The following ULK4 variants were observed in gnomAD, a reference collection of about 807,000 sequenced individuals.
The protein encoded by ULK4 is unc-51 like kinase 4.
In ULK4, 133 loss-of-function variants were observed where a neutral mutation model predicts 160.6. That is an observed-to-expected ratio of 0.83 (90% confidence interval 0.72 to 0.96). ULK4 has a LOEUF of 0.96. Among genes scored for constraint, ULK4 ranks in the 40% least tolerant of loss-of-function variants. The pLI is 0.00. For missense variants in ULK4, 1,580 were observed against 1,499.5 expected, an observed-to-expected ratio of 1.05 and a Z score of -0.89; for synonymous variants, 534 against 539.8, an observed-to-expected ratio of 0.99 and a Z score of 0.15.
intron 35 of ULK4, among the ~76,000 whole-genome samples, chr3:41,356,444 G>A (rs1380411015): frequency 1.3e-5 from 2 of 152,100 alleles, no homozygotes; most frequent in African/African-American, 4.8e-5. Flanking sequence ...GAGGTCTGAG[G>A]ATATGGTGGC....
chr3:41,613,937 C>A (rs932112580), intron 31 of ULK4, among the ~76,000 whole-genome samples: 1 of 152,206 alleles, frequency 6.6e-6, no homozygotes, highest in African/African-American at 2.4e-5. Flanking sequence ...GTAGATGTCA[C>A]CTTCTACCCA....
chr3:41,451,888 C>T (rs1014967297), intron 34 of ULK4, among the ~76,000 whole-genome samples: 2 of 151,790 alleles, frequency 1.3e-5, no homozygotes, highest in Non-Finnish European at 2.9e-5. Flanking sequence ...AATTTAGAGC[C>T]CAAGGTGGTA....
intron 31 of ULK4, among the ~76,000 whole-genome samples, chr3:41,572,955 T>C (rs909864834): frequency 3.9e-5 from 6 of 152,106 alleles, no homozygotes; most frequent in African/African-American, 1.4e-4. Flanking sequence ...TCACAGAAGA[T>C]GGCATCATTG....
chr3:41,904,078 T>C (rs1698468653), intron 12 of ULK4, among the ~76,000 whole-genome samples: 1 of 152,074 alleles, frequency 6.6e-6, no homozygotes, highest in Non-Finnish European at 1.5e-5. Flanking sequence ...TCTTTTACAT[T>C]TTACAAGTTT....
At chr3:41,935,087 C>T (rs1252157712) in intron 4 of ULK4, among the ~76,000 whole-genome samples, 3 of 141,652 alleles carry the variant, frequency 2.1e-5, no homozygotes, top group African/African-American at 7.8e-5. Flanking sequence ...GTGGCATCAG[C>T]TCACTGCAAC....
chr3:41,306,809 T>A (rs2079949973), intron 35 of ULK4, among the ~76,000 whole-genome samples: 1 of 151,838 alleles, frequency 6.6e-6, no homozygotes, highest in Admixed American at 6.5e-5. Context: ...CTAAGAAAAC[T>A]TCTTCTGCCG....
chr3:41,460,906 C>A (rs1030669814), intron 33 of ULK4, among the ~76,000 whole-genome samples: 1 of 152,044 alleles, frequency 6.6e-6, no homozygotes, highest in Non-Finnish European at 1.5e-5. Flanking sequence ...GTAACTTGCC[C>A]GAGGTTACAG....
In ULK4 at chr3:41,734,584, AAAG is replaced by A; in HGVS notation, c.2322-16726_2322-16724del. On this transcript the variant is annotated intron_variant, in intron 22 of 36. Coordinates refer to ENST00000301831, the MANE Select transcript of ULK4 (RefSeq NM_017886.4). ...TAAGGACAGTGATGAAAGAGAAAAAAAAGAAGGCTCAGCAAATGAAACAGAAAA... is the reference window on the plus strand; with the variant it reads ...TAAGGACAGTGATGAAAGAGAAAAAAAAGGCTCAGCAAATGAAACAGAAAA... Among the ~76,000 whole-genome samples, 2 of 152,294 alleles carry A rather than the reference AAAG, an allele frequency of 1.3e-5. 1 individual carries two copies. Among genetic ancestry groups the A allele is most frequent in the Middle Eastern group, 6.8e-3 (2 of 294 alleles).
At position 41,688,445 on chromosome 3, in the gene ULK4, T is replaced by C. The variant is rs554138772; in HGVS notation, c.2782-6641A>G. Among the ~76,000 whole-genome samples the C allele has an allele frequency of 3.9e-5, 6 of 152,318 alleles. No individual in the cohort carries two copies. The South Asian group carries it at 1.2e-3, about 32-fold the overall frequency. ...TTATCAAAGGTACTTACTAAGAATA[T>C]ATGAGTAAACCAAATAGCTAAAAAG... On this transcript the variant is annotated intron_variant, in intron 27 of 36. Transcript: ENST00000301831.
intron 32 of ULK4, among the ~76,000 whole-genome samples, chr3:41,514,093 C>A (rs951051703): frequency 6.6e-6 from 1 of 151,868 alleles, no homozygotes; most frequent in Non-Finnish European, 1.5e-5. Context: ...GAACTAGATA[C>A]CTAATAAAAT....
At chr3:41,791,825 C>T (rs1316512145) in intron 20 of ULK4, among the ~76,000 whole-genome samples, 1 of 152,000 alleles carries the variant, frequency 6.6e-6, no homozygotes, top group African/African-American at 2.4e-5. Flanking sequence ...AACTATATAC[C>T]TCTCCCTAAA....
chr3:41,339,407 C>T (rs7629718), intron 35 of ULK4, among the ~76,000 whole-genome samples: 8,572 of 152,130 alleles, frequency 0.056, 585 homozygotes, highest in East Asian at 0.2. Context: ...TCAAGTGGTA[C>T]AAATTCTAAG....
At chr3:41,346,343 T>C (rs934217144) in intron 35 of ULK4, among the ~76,000 whole-genome samples, 3 of 152,182 alleles carry the variant, frequency 2.0e-5, no homozygotes, top group Admixed American at 6.5e-5. Flanking sequence ...TTTACTTGCT[T>C]TTTGGAAGTT....
intron 34 of ULK4, among the ~76,000 whole-genome samples, chr3:41,404,932 C>G (rs1262453499): frequency 6.6e-6 from 1 of 152,284 alleles, no homozygotes; most frequent in East Asian, 1.9e-4. Flanking sequence ...TATAGCAGCA[C>G]AAAATGGACT....
intron 21 of ULK4, among the ~76,000 whole-genome samples, chr3:41,757,909 G>A (rs1248569304): frequency 2.0e-5 from 3 of 152,110 alleles, no homozygotes; most frequent in African/African-American, 7.2e-5. Context: ...TCACAGGCGT[G>A]AGCCACCATG....
intron 35 of ULK4, among the ~76,000 whole-genome samples, chr3:41,374,892 C>T (rs188631637): frequency 1.6e-3 from 248 of 152,254 alleles, no homozygotes; most frequent in African/African-American, 5.4e-3. Context: ...AAAACTTCAT[C>T]GTCTCAGCTC....
intron 27 of ULK4, among the ~76,000 whole-genome samples, chr3:41,690,803 C>T (rs1391882641): frequency 6.6e-6 from 1 of 151,866 alleles, no homozygotes; most frequent in African/African-American, 2.4e-5. Flanking sequence ...TTTCTGTCTT[C>T]AACCAGACCA....
intron 18 of ULK4, among the ~76,000 whole-genome samples, chr3:41,823,223 G>T (rs1251359462): frequency 6.6e-6 from 1 of 152,146 alleles, no homozygotes; most frequent in Non-Finnish European, 1.5e-5. Context: ...GAAAATATTA[G>T]AAGCAGGAGA....
At chr3:41,266,938 C>A (rs2079044872) in intron 35 of ULK4, among the ~76,000 whole-genome samples, 1 of 148,782 alleles carries the variant, frequency 6.7e-6, no homozygotes, top group African/African-American at 2.5e-5. Context: ...TCCTCTGTGG[C>A]CACTAAGTGG....
Sources: allele counts gnomAD v4.1 joint callset (sites outside exome capture counted in the v4.1 genomes callset), GRCh38; gene constraint gnomAD v4.1.1; transcripts MANE v1.5; gene names NCBI Gene and HGNC (gene_info 2026-07-23, HGNC 2026-07-21).